Variants in PHGDH observed in about 807,000 individuals in gnomAD.
The protein encoded by PHGDH is D-3-phosphoglycerate dehydrogenase.
PHGDH carries 50 observed loss-of-function variants against 52.6 expected under a neutral mutation model. That is an observed-to-expected ratio of 0.95 (90% confidence interval 0.76 to 1.20). PHGDH has a LOEUF of 1.20. PHGDH is among the 50% of genes most tolerant of loss of function. The probability of loss-of-function intolerance (pLI) is 0.00; values close to 1 mark genes in which losing one functional copy is unlikely to be tolerated. For missense variants in PHGDH, 630 were observed against 684.6 expected (o/e 0.92, Z 0.89); for synonymous variants, 271 against 280.5 (o/e 0.97, Z 0.34).
At chr1:119,736,694 G>T (rs587758913) in intron 7 of PHGDH, among the ~76,000 whole-genome samples, 3 of 152,224 alleles carry the variant, frequency 2.0e-5, no homozygotes, top group Non-Finnish European at 4.4e-5. Context: ...TGGATGCAGG[G>T]GGGTGAGTTT....
At chr1:119,726,795 T>A in intron 3 of PHGDH, 56 bp from the exon 4 acceptor site, 1 of 1,445,982 alleles carries the variant, frequency 6.9e-7, no homozygotes, top group Non-Finnish European at 9.7e-7. Context: ...TTGCATCTCC[T>A]TCCTGGGCTG....
At chr1:119,734,961 G>C (rs1329359987) in intron 6 of PHGDH, 195 bp downstream of exon 6, 1 of 669,952 alleles carries the variant, frequency 1.5e-6, no homozygotes, top group East Asian at 2.7e-5. Flanking sequence ...AAGTGCTTGG[G>C]GTCTAGGTAA....
At position 119,712,092 on chromosome 1, in the gene PHGDH, C is replaced by T. The variant is rs1418800829; in HGVS notation, c.70C>T (p.Gln24Ter). The T allele has an allele frequency of 1.9e-6, 3 of 1,613,892 alleles. No homozygotes were observed. Among genetic ancestry groups the T allele is most frequent in the Non-Finnish European group, 2.5e-6 (3 of 1,179,864 alleles). The change falls in exon 1 of 12, where the codon CAA becomes TAA. Residue 24 changes from glutamine to a stop codon, truncating the protein, a stop_gained. Coordinates refer to ENST00000641023, the MANE Select transcript of PHGDH (RefSeq NM_006623.4). LOFTEE classifies it high-confidence loss of function. ...GGACCCTTGCTGCCGGAAGATCTTGCAAGATGGAGGGCTGCAGGTGGTGGA... is the reference window on the plus strand; with the variant it reads ...GGACCCTTGCTGCCGGAAGATCTTGTAAGATGGAGGGCTGCAGGTGGTGGA... ...SLDPCCRKILQDGGLQVVEKQ... is the reference protein window; with the variant it reads ...SLDPCCRKIL
rs55671458 is a variant in PHGDH, at chr1:119,726,179, A to AGTGTGTGT, written c.357-633_357-626dup. Among the ~76,000 whole-genome samples, 261 of 131,264 alleles carry AGTGTGTGT rather than the reference A, an allele frequency of 2.0e-3. 2 individuals carry two copies. The highest frequency in any genetic ancestry group is 3.7e-3 in the Middle Eastern group (1 of 268). The allele number at this position is 131,264 out of a possible 152,430, so 86.1% of individuals were successfully genotyped here. A position where few individuals can be genotyped will look rare whatever the true frequency, so the allele number is the denominator to read the frequency against. On this transcript the variant is annotated intron_variant, in intron 3 of 11. Transcript: ENST00000641023. ...TAATAGGAGGAGACAGGCTGTGAAG[A>AGTGTGTGT]GTGTGTGTGTGTGTGTGTGTGTGTG...
chr1:119,741,854 A>G lies in PHGDH; in HGVS notation c.1166A>G (p.Asn389Ser). 1 of 1,613,954 alleles carries G rather than the reference A, an allele frequency of 6.2e-7. No homozygotes were observed. The highest frequency in any genetic ancestry group is 8.5e-7 in the Non-Finnish European group (1 of 1,179,826). The change falls in exon 10 of 12, where the codon AAC (asparagine) becomes AGC (serine). Residue 389 changes from asparagine (N) to serine (S), a missense_variant. Coordinates refer to ENST00000641023, the MANE Select transcript of PHGDH (RefSeq NM_006623.4). ...GAGGCTTCCAAGCAGGCGGATGTGA[A>G]CTTGGTGAACGCTAAGCTGCTGGTG... The part of the protein sequence containing the change: ...LKEASKQADV[N>S]LVNAKLLVKE...
intron 2 of PHGDH, 29 bp downstream of exon 2, chr1:119,721,350 G>A (rs774051999): frequency 4.4e-6 from 7 of 1,608,960 alleles, no homozygotes; most frequent in Non-Finnish European, 5.9e-6. Context: ...GGGCGGTTTG[G>A]GGGTAGGGGG....
intron 5 of PHGDH, among the ~76,000 whole-genome samples, chr1:119,730,230 G>T (rs1651632681): frequency 6.6e-6 from 1 of 152,216 alleles, no homozygotes; most frequent in African/African-American, 2.4e-5. Flanking sequence ...GACAGGAAAT[G>T]AGGATAAGTG....
intron 7 of PHGDH, among the ~76,000 whole-genome samples, chr1:119,736,720 TAACAAC>T (rs769579390): frequency 6.6e-6 from 1 of 152,176 alleles, no homozygotes; most frequent in Non-Finnish European, 1.5e-5. Flanking sequence ...AAAAGCCCAG[TAACAAC>T]AACAACAGTA....
At chr1:119,737,069 G>A in intron 7 of PHGDH, 45 bp from the exon 8 acceptor site, 1 of 1,608,846 alleles carries the variant, frequency 6.2e-7, no homozygotes, top group Non-Finnish European at 8.5e-7. Context: ...AAGAGGGTGT[G>A]GCCAGTCCAT....
At chr1:119,729,915 T>G (rs1384949043) in intron 5 of PHGDH, 1 of 152,052 alleles carries the variant, frequency 6.6e-6, no homozygotes, top group Non-Finnish European at 1.5e-5. Context: ...CTCTGGAGGG[T>G]CATTCTTAAC....
chr1:119,740,065 A>G (rs1652119799), intron 8 of PHGDH: 1 of 352,486 alleles, frequency 2.8e-6, no homozygotes, highest in African/African-American at 2.1e-5. Context: ...ACTCACCTTT[A>G]TTGTGCTGTC....
At chr1:119,742,549 C>T in intron 10 of PHGDH, 1 of 591,452 alleles carries the variant, frequency 1.7e-6, no homozygotes, top group South Asian at 2.0e-5. Flanking sequence ...TCTTTCCTCC[C>T]TGTTTTCCTC....
chr1:119,735,046 C>A, intron 6 of PHGDH: 1 of 627,214 alleles, frequency 1.6e-6, no homozygotes, highest in South Asian at 1.9e-5. Context: ...ATTCCCAGAC[C>A]CACTTGAAAC....
intron 1 of PHGDH, among the ~76,000 whole-genome samples, chr1:119,718,847 G>A (rs920921575): frequency 2.6e-5 from 4 of 152,094 alleles, no homozygotes; most frequent in African/African-American, 9.7e-5. Flanking sequence ...TATAACTAAG[G>A]AGACCAAAAC....
At chr1:119,720,926 T>C in intron 1 of PHGDH, 1 of 514,678 alleles carries the variant, frequency 1.9e-6, no homozygotes, top group Non-Finnish European at 3.6e-6. Flanking sequence ...TTCTTGAGCA[T>C]GCCAAACAAA....
intron 5 of PHGDH, among the ~76,000 whole-genome samples, chr1:119,731,521 G>T (rs587651916): frequency 4.6e-5 from 7 of 152,310 alleles, no homozygotes; most frequent in African/African-American, 1.4e-4. Flanking sequence ...CCAGAGGGTT[G>T]GATGTTGAAC....
chr1:119,711,953 A>T lies in PHGDH; in HGVS notation c.-70A>T. 2 of 1,561,850 alleles carry T rather than the reference A, an allele frequency of 1.3e-6. No individual in the cohort carries two copies. The highest frequency in any genetic ancestry group is 1.7e-5 in the Admixed American group (1 of 59,906). On this transcript the variant is annotated 5_prime_UTR_variant, in exon 1 of 12. Transcript: ENST00000641023. ...TACTGCCCAGTTACTCTAGCGCGCC[A>T]GGCCGAACCGCAGCTTCTTGGCTTA...
At chr1:119,712,246 G>T (rs1355024203) in intron 1 of PHGDH, 86 bp downstream of exon 1, 2 of 1,179,850 alleles carry the variant, frequency 1.7e-6, no homozygotes, top group Non-Finnish European at 1.2e-6. Flanking sequence ...CGCCCCCCTC[G>T]CATGCACCCC....
intron 5 of PHGDH, among the ~76,000 whole-genome samples, chr1:119,728,546 A>G (rs1651551327): frequency 1.3e-5 from 2 of 151,956 alleles, no homozygotes; most frequent in African/African-American, 4.8e-5. Flanking sequence ...GCCTTTTCCT[A>G]CTCTGGGAGC....
Sources: allele counts gnomAD v4.1 joint callset (sites outside exome capture counted in the v4.1 genomes callset), GRCh38; gene constraint gnomAD v4.1.1; transcripts MANE v1.5; gene names NCBI Gene and HGNC (gene_info 2026-07-23, HGNC 2026-07-21).